Variants in NAA16 observed in about 807,000 individuals in gnomAD.
The protein encoded by NAA16 is N-alpha-acetyltransferase 16, NatA auxiliary subunit.
NAA16 carries 97 observed loss-of-function variants against 110.3 expected under a neutral mutation model. That is an observed-to-expected ratio of 0.88 (90% confidence interval 0.75 to 1.04). The LOEUF is 1.04. Among genes scored for constraint, NAA16 ranks in the 50% least tolerant of loss-of-function variants. The pLI, the probability that NAA16 is intolerant of heterozygous loss-of-function variation, is 0.00. For missense variants in NAA16, 1,017 were observed against 1,005.1 expected, an observed-to-expected ratio of 1.01 and a Z score of -0.16; for synonymous variants, 372 against 330.6, an observed-to-expected ratio of 1.13 and a Z score of -1.36.
intron 12 of NAA16, among the ~76,000 whole-genome samples, chr13:41,360,326 C>T (rs1020361570): frequency 1.3e-5 from 2 of 152,102 alleles, no homozygotes; most frequent in African/African-American, 4.8e-5. Context: ...GATCGCTCAA[C>T]CACTAAGTAT....
intron 9 of NAA16, among the ~76,000 whole-genome samples, chr13:41,353,255 T>C (rs1217235629): frequency 6.6e-6 from 1 of 152,236 alleles, no homozygotes; most frequent in African/African-American, 2.4e-5. Flanking sequence ...TATTTGCCTT[T>C]ATAAGTTTAA....
intron 9 of NAA16, among the ~76,000 whole-genome samples, chr13:41,353,799 ACACC>A (rs1555287483): frequency 7.3e-6 from 1 of 136,082 alleles, no homozygotes; most frequent in Non-Finnish European, 1.6e-5. Flanking sequence ...ACACACACAC[ACACC>A]CCAAAACAGA....
intron 9 of NAA16, 148 bp downstream of exon 9, chr13:41,336,904 C>T (rs761416070): frequency 2.0e-4 from 98 of 478,446 alleles, no homozygotes; most frequent in Non-Finnish European, 2.7e-4. Flanking sequence ...AATTACATGC[C>T]TGTAGTATAA....
intron 2 of NAA16, among the ~76,000 whole-genome samples, chr13:41,318,382 A>G (rs1294920665): frequency 6.6e-6 from 1 of 151,906 alleles, no homozygotes; most frequent in Non-Finnish European, 1.5e-5. Flanking sequence ...ATTTTTGTTT[A>G]GTAGAGACGG....
intron 2 of NAA16, among the ~76,000 whole-genome samples, chr13:41,318,263 T>C (rs1195762910): frequency 6.6e-6 from 1 of 151,884 alleles, no homozygotes; most frequent in Non-Finnish European, 1.5e-5. Context: ...TGGAGTACAG[T>C]GGCACAATCT....
At chr13:41,318,932 A>G in intron 3 of NAA16, 22 bp downstream of exon 3, 1 of 1,430,296 alleles carries the variant, frequency 7.0e-7, no homozygotes, top group Non-Finnish European at 9.5e-7. Context: ...CAGTAGTTAA[A>G]TAGTTTATGT....
chr13:41,373,957 T>TG (rs2043376290), intron 18 of NAA16, 177 bp downstream of exon 18: 1 of 1,001,766 alleles, frequency 1.0e-6, no homozygotes, highest in Non-Finnish European at 1.3e-6. Flanking sequence ...ATTCACAGGA[T>TG]GTAATACCAG....
In NAA16 at chr13:41,369,197, C is replaced by A. The variant is rs1252964856; in HGVS notation, c.1861C>A (p.Gln621Lys). 1.3e-6 allele frequency: 2 copies of A among 1,594,566 alleles called. No individual in the cohort carries two copies. Among genetic ancestry groups the A allele is most frequent in the Admixed American group, 1.7e-5 (1 of 57,496 alleles). The part of the protein sequence containing the change: ...ERKHAERERQ[Q>K]KNQKKKRDEE... ...AAAGCATGCAGAAAGAGAACGTCAA[C>A]AGAAAAATCAAAAGAAAAAAAGAGA... The change falls in exon 15 of 20, where the codon CAG (glutamine) becomes AAG (lysine). Residue 621 changes from glutamine (Q) to lysine (K), a missense_variant. Physicochemically the swap from Gln to Lys is moderately conservative, Grantham distance 53. Coordinates refer to ENST00000379406, the MANE Select transcript of NAA16 (RefSeq NM_024561.5).
intron 3 of NAA16, 96 bp downstream of exon 3, chr13:41,319,006 AGAG>A (rs573464464): frequency 1.4e-4 from 77 of 567,052 alleles, no homozygotes; most frequent in African/African-American, 1.3e-3. Flanking sequence ...CCTACGTAGA[AGAG>A]AGAATTTAAT....
chr13:41,333,471 T>A (rs2042294880), intron 8 of NAA16, among the ~76,000 whole-genome samples: 1 of 152,140 alleles, frequency 6.6e-6, no homozygotes, highest in Non-Finnish European at 1.5e-5. Context: ...CTACTTTCTG[T>A]ACCTATGGAT....
rs187029703 is a variant in NAA16 at position 41,322,152 on chromosome 13, G to A, written c.403-904G>A. Among the ~76,000 whole-genome samples, 78 of 152,298 alleles carry A rather than the reference G, an allele frequency of 5.1e-4. 1 individual carries two copies. The highest frequency in any genetic ancestry group is 3.4e-3 in the Middle Eastern group (1 of 294). ...AGTCCTGGCTACTTGAGAGGCTGAT[G>A]TAGAAGGATTGCTTGAGCCCAGGAG... On this transcript the variant is annotated intron_variant, in intron 4 of 19. Transcript: ENST00000379406.
rs1284184095 is a variant in NAA16, at chr13:41,320,773, G to T, written c.351G>T (p.Leu117Phe). The change falls in exon 4 of 20, where the codon TTG becomes TTT. Residue 117 changes from leucine (L) to phenylalanine (F), a missense_variant. Physicochemically the swap from Leu to Phe is conservative, Grantham distance 22 (BLOSUM62 0). Transcript: ENST00000379406. The stretch of plus-strand genomic sequence containing the variant: ...TAGATAAAGATAACCTGCAAATTTT[G>T]AGGGATCTCTCACTGTTGCAGATCC... Reference protein sequence around the residue: ...LKLDKDNLQILRDLSLLQIQM... With the variant: ...LKLDKDNLQIFRDLSLLQIQM... 9 of 1,613,180 alleles carry T rather than the reference G, an allele frequency of 5.6e-6. No individual in the cohort carries two copies. The highest frequency in any genetic ancestry group is 7.6e-6 in the Non-Finnish European group (9 of 1,179,798).
intron 6 of NAA16, among the ~76,000 whole-genome samples, chr13:41,326,794 C>A (rs960834024): frequency 6.6e-6 from 1 of 152,030 alleles, no homozygotes; most frequent in African/African-American, 2.4e-5. Context: ...TCCCATATAT[C>A]CCTGTATACC....
At chr13:41,316,286 C>T (rs1344996252) in intron 1 of NAA16, among the ~76,000 whole-genome samples, 1 of 150,836 alleles carries the variant, frequency 6.6e-6, no homozygotes, top group Non-Finnish European at 1.5e-5. Flanking sequence ...TGCGCCACCA[C>T]GTCTGGCTAA....
At position 41,311,624 on chromosome 13, in the gene NAA16, G is replaced by C; in HGVS notation, c.54+42G>C. The C allele has an allele frequency of 3.8e-6, 6 of 1,577,160 alleles. No individual in the cohort carries two copies. The South Asian group carries it at 5.7e-5, about 15-fold the overall frequency. Reference sequence around the variant, plus strand: ...CGCGCTGCCGCCCCCCGGTCCCCGGGTCCTCGGGCCTTAAGGGCAAGCGGT... The same window carrying C: ...CGCGCTGCCGCCCCCCGGTCCCCGGCTCCTCGGGCCTTAAGGGCAAGCGGT... On this transcript the variant is annotated intron_variant, in intron 1 of 19. Coordinates refer to ENST00000379406, the MANE Select transcript of NAA16 (RefSeq NM_024561.5).
chr13:41,357,936 C>T (rs2043027956), intron 10 of NAA16, among the ~76,000 whole-genome samples: 1 of 152,202 alleles, frequency 6.6e-6, no homozygotes, highest in Non-Finnish European at 1.5e-5. Context: ...CTGCTGAAAT[C>T]TTGCAGTGGT....
intron 17 of NAA16, chr13:41,373,272 T>G (rs1266030741): frequency 1.3e-6 from 1 of 765,600 alleles, no homozygotes; most frequent in Non-Finnish European, 1.6e-6. Flanking sequence ...TTTTGTTTTT[T>G]TTTTTGAGAC....
In NAA16 at chr13:41,364,599, A is replaced by G. The variant is rs1447026487; in HGVS notation, c.1539+2440A>G. On this transcript the variant is annotated intron_variant, in intron 13 of 19. Transcript: ENST00000379406. ...TTTCTTTCCATTTTTTTCTTTTACT[A>G]TTAGACTGCTGGTGATTGGATTATC... Among the ~76,000 whole-genome samples, 6 of 151,998 alleles carry G rather than the reference A, an allele frequency of 3.9e-5. 1 individual carries two copies. Among genetic ancestry groups the G allele is most frequent in the Admixed American group, 2.0e-4 (3 of 15,264 alleles).
At chr13:41,324,363 C>CTTTTTTTT (rs71086562) in intron 5 of NAA16, among the ~76,000 whole-genome samples, 44 of 66,092 alleles carry the variant, frequency 6.7e-4, no homozygotes, top group Non-Finnish European at 8.0e-4. Flanking sequence ...TTCTTTCTTT[C>CTTTTTTTT]TTTTTTTTTT....
Sources: allele counts gnomAD v4.1 joint callset (sites outside exome capture counted in the v4.1 genomes callset), GRCh38; gene constraint gnomAD v4.1.1; transcripts MANE v1.5; gene names NCBI Gene and HGNC (gene_info 2026-07-23, HGNC 2026-07-21).